The following GALNT17 variants were observed in gnomAD, a reference collection of about 807,000 sequenced individuals.
The protein encoded by GALNT17 is UDP-GalNAc:polypeptide N-acetylgalactosaminyltransferase-like 3.
A neutral mutation model predicts 63.7 loss-of-function variants in GALNT17; 29 were observed. The observed-to-expected ratio is 0.46, with a 90% CI of 0.34 to 0.62. The LOEUF is 0.62. Ranked by LOEUF, GALNT17 falls within the 20% of genes least tolerant of loss-of-function variation. The pLI, the probability that GALNT17 is intolerant of heterozygous loss-of-function variation, is 0.01. For synonymous variants in GALNT17, 305 were observed against 318.3 expected (o/e 0.96, Z 0.45); for missense variants, 603 against 799.6 (o/e 0.75, Z 2.97).
intron 6 of GALNT17, among the ~76,000 whole-genome samples, chr7:71,589,134 T>G (rs754904069): frequency 3.3e-5 from 5 of 152,144 alleles, no homozygotes. Context: ...TAGACTGGTC[T>G]TCTTTGTAAT....
rs183217304 is a variant in GALNT17, at chr7:71,288,088, C to T, written c.239-47462C>T. On this transcript the variant is annotated intron_variant, in intron 1 of 10. Transcript: ENST00000333538. ...AAAATTAGCTGGGCATGGTGGCACACACCTGTAGTCCCAGCTACTCGGGAG... is the reference window on the plus strand; with the variant it reads ...AAAATTAGCTGGGCATGGTGGCACATACCTGTAGTCCCAGCTACTCGGGAG... Among the ~76,000 whole-genome samples the T allele has an allele frequency of 8.5e-4, 126 of 148,952 alleles. 2 individuals carry two copies. Among genetic ancestry groups the T allele is most frequent in the African/African-American group, 3.1e-3 (121 of 39,400 alleles).
intron 2 of GALNT17, among the ~76,000 whole-genome samples, chr7:71,386,919 A>C (rs1792956152): frequency 6.6e-6 from 1 of 152,152 alleles, no homozygotes; most frequent in Non-Finnish European, 1.5e-5. Flanking sequence ...GTATAACATA[A>C]TACAGAGCAC....
chr7:71,477,344 G>A (rs759217384), intron 5 of GALNT17, among the ~76,000 whole-genome samples: 5 of 152,124 alleles, frequency 3.3e-5, no homozygotes, highest in Non-Finnish European at 7.3e-5. Flanking sequence ...ATTGTGCCAC[G>A]GAGGTTGGTG....
chr7:71,698,137 A>AAG (rs1554326183), intron 9 of GALNT17, among the ~76,000 whole-genome samples: 9 of 151,218 alleles, frequency 6.0e-5, no homozygotes, highest in Admixed American at 1.3e-4. Context: ...AAAAAAAAAA[A>AAG]AAAAGAAAAG....
At chr7:71,691,842 CT>C (rs113381427) in intron 9 of GALNT17, among the ~76,000 whole-genome samples, 9 of 151,780 alleles carry the variant, frequency 5.9e-5, no homozygotes, top group African/African-American at 1.9e-4. Flanking sequence ...TTCTGCTCCT[CT>C]TTTTTTAATC....
chr7:71,237,786 GTT>G (rs947288258), intron 1 of GALNT17, among the ~76,000 whole-genome samples: 1 of 152,142 alleles, frequency 6.6e-6, no homozygotes, highest in Non-Finnish European at 1.5e-5. Flanking sequence ...CTAAATAAGA[GTT>G]TTGGAACTTT....
chr7:71,545,943 T>C (rs1348053567), intron 5 of GALNT17, among the ~76,000 whole-genome samples: 3 of 152,156 alleles, frequency 2.0e-5, no homozygotes, highest in Non-Finnish European at 2.9e-5. Context: ...AGGCTTGCTG[T>C]TTCCTGACTA....
chr7:71,573,025 T>C (rs1789475708), intron 6 of GALNT17, among the ~76,000 whole-genome samples: 1 of 152,000 alleles, frequency 6.6e-6, no homozygotes, highest in Admixed American at 6.6e-5. Flanking sequence ...TTTTATTTTA[T>C]TTGAGATGAA....
At chr7:71,436,820 A>C (rs1197674416) in intron 5 of GALNT17, among the ~76,000 whole-genome samples, 1 of 152,224 alleles carries the variant, frequency 6.6e-6, no homozygotes, top group African/African-American at 2.4e-5. Flanking sequence ...CTAGAGAAAC[A>C]GTGTGAGTTT....
At chr7:71,198,160 T>G (rs1789092593) in intron 1 of GALNT17, among the ~76,000 whole-genome samples, 1 of 146,658 alleles carries the variant, frequency 6.8e-6, no homozygotes. Flanking sequence ...ATTGTGACAT[T>G]GCACTCCAGC....
chr7:71,148,489 A>G (rs1444938950), intron 1 of GALNT17, among the ~76,000 whole-genome samples: 1 of 152,202 alleles, frequency 6.6e-6, no homozygotes, highest in East Asian at 1.9e-4. Flanking sequence ...TCCAGAGAAA[A>G]TAAGTACAGT....
chr7:71,134,835 G>GTTTTTTTTTTTTTTTTTTT (rs561383417), intron 1 of GALNT17, among the ~76,000 whole-genome samples: 1 of 57,908 alleles, frequency 1.7e-5, no homozygotes, highest in Non-Finnish European at 2.9e-5. Context: ...TTGTTTTATG[G>GTTTTTTTTTTTTTTTTTTT]TTTTTTTTTT....
At position 71,223,519 on chromosome 7, in the gene GALNT17, A is replaced by T. The variant is rs113944531; in HGVS notation, c.238+90479A>T. Among the ~76,000 whole-genome samples, 412 of 148,954 alleles carry T rather than the reference A, an allele frequency of 2.8e-3. 3 individuals are homozygous for T. The highest frequency in any genetic ancestry group is 1.0e-2 in the African/African-American group (401 of 40,236). ...CTTTTGACATGACCCCATAATCCCAACTTTTTTTTTTCGAGCACTTAACTT... is the reference window on the plus strand; with the variant it reads ...CTTTTGACATGACCCCATAATCCCATCTTTTTTTTTTCGAGCACTTAACTT... On this transcript the variant is annotated intron_variant, in intron 1 of 10. Transcript: ENST00000333538.
intron 1 of GALNT17, among the ~76,000 whole-genome samples, chr7:71,290,852 T>G (rs1484244643): frequency 6.6e-6 from 1 of 152,168 alleles, no homozygotes; most frequent in Non-Finnish European, 1.5e-5. Context: ...GGAAACAGTG[T>G]GGTTAGAGAG....
At chr7:71,226,760 G>T (rs1165441913) in intron 1 of GALNT17, among the ~76,000 whole-genome samples, 1 of 152,084 alleles carries the variant, frequency 6.6e-6, no homozygotes, top group East Asian at 1.9e-4. Context: ...GATTACAGAC[G>T]TGAGCAACTA....
chr7:71,288,040 G>A (rs1485075623), intron 1 of GALNT17, among the ~76,000 whole-genome samples: 2 of 128,356 alleles, frequency 1.6e-5, no homozygotes, highest in African/African-American at 7.2e-5. Flanking sequence ...GACAGAGCGA[G>A]ACTGTCTCAA....
At chr7:71,686,237 A>G (rs1270879460) in intron 9 of GALNT17, among the ~76,000 whole-genome samples, 1 of 152,144 alleles carries the variant, frequency 6.6e-6, no homozygotes, top group Non-Finnish European at 1.5e-5. Context: ...TTACAGGCGT[A>G]AGCCACGGCG....
chr7:71,590,953 G>T lies in GALNT17; in HGVS notation c.1080+19551G>T, dbSNP rs770244855. On this transcript the variant is annotated intron_variant, in intron 6 of 10. Transcript: ENST00000333538. ...TTTTTGTATTTTTAGTACAGACAGG[G>T]TTTCGCCATATTGGCCAGGCTGGTC... Among the ~76,000 whole-genome samples the T allele has an allele frequency of 4.0e-4, 61 of 152,184 alleles. 1 individual carries two copies. Among genetic ancestry groups the T allele is most frequent in the Non-Finnish European group, 7.9e-4 (54 of 68,032 alleles).
intron 1 of GALNT17, among the ~76,000 whole-genome samples, chr7:71,151,393 G>A (rs910027771): frequency 9.9e-5 from 15 of 152,036 alleles, no homozygotes; most frequent in East Asian, 1.9e-4. Flanking sequence ...AGGCCGAGGC[G>A]GGCAGATCAC....
Sources: allele counts gnomAD v4.1 joint callset (sites outside exome capture counted in the v4.1 genomes callset), GRCh38; gene constraint gnomAD v4.1.1; transcripts MANE v1.5; gene names NCBI Gene and HGNC (gene_info 2026-07-23, HGNC 2026-07-21).